The following CCDC178 variants were observed in gnomAD, a reference collection of about 807,000 sequenced individuals.
CCDC178 encodes the protein coiled-coil domain-containing protein 178.
Under a neutral mutation model 117.4 loss-of-function variants are expected in CCDC178, and 126 were observed. That is an observed-to-expected ratio of 1.07 (90% CI 0.93 to 1.24). CCDC178 has a LOEUF of 1.24. Among genes scored for constraint, CCDC178 ranks in the 50% most tolerant of loss-of-function variants. The pLI, the probability that CCDC178 is intolerant of heterozygous loss-of-function variation, is 0.00. For missense variants in CCDC178, 1,030 were observed against 986.9 expected (o/e 1.04, Z -0.59); for synonymous variants, 283 against 313.4 (o/e 0.90, Z 1.02).
intron 11 of CCDC178, among the ~76,000 whole-genome samples, chr18:33,318,169 G>C (rs1206663798): frequency 1.3e-5 from 2 of 152,208 alleles, no homozygotes; most frequent in African/African-American, 2.4e-5. Context: ...GAGAAGTTGA[G>C]TTGTGAGCCA....
chr18:33,207,941 G>A (rs1599001283), intron 20 of CCDC178, among the ~76,000 whole-genome samples: 1 of 152,056 alleles, frequency 6.6e-6, no homozygotes, highest in East Asian at 1.9e-4. Flanking sequence ...ATATTCTAGT[G>A]CTACCCTCTC....
intron 20 of CCDC178, among the ~76,000 whole-genome samples, chr18:33,149,319 G>T (rs1275051021): frequency 6.6e-6 from 1 of 152,180 alleles, no homozygotes; most frequent in East Asian, 1.9e-4. Flanking sequence ...GCAGTGAGGA[G>T]ATTAAGAAGA....
At chr18:33,416,150 G>A (rs557219096) in intron 2 of CCDC178, among the ~76,000 whole-genome samples, 3 of 152,302 alleles carry the variant, frequency 2.0e-5, no homozygotes, top group East Asian at 1.9e-4. Context: ...TGCCCGGGCC[G>A]GGAGCGATGG....
intron 20 of CCDC178, among the ~76,000 whole-genome samples, chr18:33,199,329 G>T (rs995923781): frequency 1.3e-5 from 2 of 152,104 alleles, no homozygotes; most frequent in East Asian, 1.9e-4. Context: ...CTCACCTATT[G>T]CCCTGCCACT....
intron 6 of CCDC178, among the ~76,000 whole-genome samples, chr18:33,364,820 C>T (rs1301903011): frequency 6.7e-6 from 1 of 150,144 alleles, no homozygotes; most frequent in Non-Finnish European, 1.5e-5. Context: ...GAGTAGCCAC[C>T]ACAGACTACT....
intron 14 of CCDC178, among the ~76,000 whole-genome samples, chr18:33,265,354 T>G (rs1599074257): frequency 6.6e-6 from 1 of 151,818 alleles, no homozygotes; most frequent in African/African-American, 2.4e-5. Context: ...AAGACAGAAA[T>G]GAATCAAATA....
intron 20 of CCDC178, among the ~76,000 whole-genome samples, chr18:33,195,418 A>G (rs2058919375): frequency 6.6e-6 from 1 of 152,138 alleles, no homozygotes; most frequent in Admixed American, 6.5e-5. Context: ...GTTACCTGAG[A>G]GAAAGAATCA....
chr18:32,965,124 A>G (rs1258320219), intron 22 of CCDC178, among the ~76,000 whole-genome samples: 1 of 152,014 alleles, frequency 6.6e-6, no homozygotes, highest in Non-Finnish European at 1.5e-5. Flanking sequence ...AAAACAAAAT[A>G]AAAATATATC....
At chr18:33,151,396 A>C (rs968851928) in intron 20 of CCDC178, among the ~76,000 whole-genome samples, 1 of 152,314 alleles carries the variant, frequency 6.6e-6, no homozygotes, top group Middle Eastern at 3.4e-3. Context: ...TTGATACTGC[A>C]AAAATACTTC....
chr18:33,364,263 G>A (rs907418435), intron 6 of CCDC178, among the ~76,000 whole-genome samples: 4 of 152,006 alleles, frequency 2.6e-5, no homozygotes, highest in African/African-American at 7.2e-5. Flanking sequence ...GTATATGTAC[G>A]TATGTGCATG....
chr18:33,221,415 G>C lies in CCDC178; in HGVS notation c.1932+1691C>G, dbSNP rs565452889. On this transcript the variant is annotated intron_variant, in intron 18 of 22. Coordinates refer to ENST00000383096, the MANE Select transcript of CCDC178 (RefSeq NM_001105528.4). Reference sequence around the variant, plus strand: ...AGTAAAAGAGGGAAAGAGATAGATGGACATGAGATAAATAGGAAGGGTGAC... The same window carrying C: ...AGTAAAAGAGGGAAAGAGATAGATGCACATGAGATAAATAGGAAGGGTGAC... Among the ~76,000 whole-genome samples, 4 of 152,034 alleles carry C rather than the reference G, an allele frequency of 2.6e-5. No individual in the cohort carries two copies. In the South Asian group the frequency reaches 8.3e-4, roughly 32 times the overall value.
chr18:33,297,183 A>G (rs1449173286), intron 11 of CCDC178, among the ~76,000 whole-genome samples: 1 of 152,154 alleles, frequency 6.6e-6, no homozygotes, highest in Non-Finnish European at 1.5e-5. Flanking sequence ...TGGGACACAT[A>G]AAAAGAAGTA....
At chr18:33,084,878 C>A (rs1278779181) in intron 21 of CCDC178, among the ~76,000 whole-genome samples, 1 of 151,928 alleles carries the variant, frequency 6.6e-6, no homozygotes, top group Admixed American at 6.6e-5. Flanking sequence ...CTGAGTCTAT[C>A]CCTCATGCCT....
chr18:33,021,831 T>C (rs915321380), intron 21 of CCDC178, among the ~76,000 whole-genome samples: 1 of 152,200 alleles, frequency 6.6e-6, no homozygotes, highest in African/African-American at 2.4e-5. Flanking sequence ...CTGCTTTATA[T>C]TTTTATTGCC....
At chr18:33,345,800 C>A (rs541352127) in intron 9 of CCDC178, among the ~76,000 whole-genome samples, 1 of 152,174 alleles carries the variant, frequency 6.6e-6, no homozygotes, top group Non-Finnish European at 1.5e-5. Context: ...TCAATAACAT[C>A]TTTCAAAAGT....
chr18:33,206,128 C>T lies in CCDC178; in HGVS notation c.2238+5768G>A, dbSNP rs557555799. On this transcript the variant is annotated intron_variant, in intron 20 of 22. Coordinates refer to ENST00000383096, the MANE Select transcript of CCDC178 (RefSeq NM_001105528.4). Reference sequence around the variant, plus strand: ...TCAGCTATTTATTTATTAATTGCATCCCCCACCCCCCAAAAAGGACTCAAG... The same window carrying T: ...TCAGCTATTTATTTATTAATTGCATTCCCCACCCCCCAAAAAGGACTCAAG... Among the ~76,000 whole-genome samples, 4 of 152,010 alleles carry T rather than the reference C, an allele frequency of 2.6e-5. No individual in the cohort carries two copies. The East Asian group carries it at 7.7e-4, about 29-fold the overall frequency.
intron 20 of CCDC178, among the ~76,000 whole-genome samples, chr18:33,094,603 A>G (rs961999984): frequency 2.6e-5 from 4 of 151,852 alleles, no homozygotes; most frequent in African/African-American, 9.7e-5. Context: ...AGTGATACAG[A>G]GTTCCGGGAT....
chr18:33,286,218 AT>A (rs1231245053), intron 12 of CCDC178, among the ~76,000 whole-genome samples: 1 of 152,066 alleles, frequency 6.6e-6, no homozygotes, highest in African/African-American at 2.4e-5. Flanking sequence ...CTGGTGATCC[AT>A]CTTCCTTAGC....
chr18:33,203,189 T>G (rs1208272059), intron 20 of CCDC178, among the ~76,000 whole-genome samples: 1 of 152,208 alleles, frequency 6.6e-6, no homozygotes, highest in Non-Finnish European at 1.5e-5. Context: ...ATATTTGCTC[T>G]TATGAACTGA....
Sources: allele counts gnomAD v4.1 joint callset (sites outside exome capture counted in the v4.1 genomes callset), GRCh38; gene constraint gnomAD v4.1.1; transcripts MANE v1.5; gene names NCBI Gene and HGNC (gene_info 2026-07-23, HGNC 2026-07-21).